Variants in RFWD3 observed in about 807,000 individuals in gnomAD.
RFWD3 encodes ring finger and WD repeat domain 3.
A neutral mutation model predicts 87.7 loss-of-function variants in RFWD3; 65 were observed. That is an observed-to-expected ratio of 0.74 (90% confidence interval 0.61 to 0.91). The LOEUF (loss-of-function observed/expected upper bound fraction) is 0.91, where lower values mean the gene tolerates loss of function less well. Ranked by LOEUF, RFWD3 falls within the 40% of genes least tolerant of loss-of-function variation. The probability of loss-of-function intolerance (pLI) is 0.00; values close to 1 mark genes in which losing one functional copy is unlikely to be tolerated. For missense variants in RFWD3, 1,078 were observed against 938.5 expected (o/e 1.15, Z -1.94); for synonymous variants, 433 against 352.8 (o/e 1.23, Z -2.55).
chr16:74,645,297 AAAACACATAT>A (rs1292394813), intron 4 of RFWD3, among the ~76,000 whole-genome samples: 2 of 152,254 alleles, frequency 1.3e-5, no homozygotes, highest in African/African-American at 4.8e-5. Context: ...CATGAAAATT[AAAACACATAT>A]ATCTTTCCTT....
chr16:74,657,267 A>C (rs1389301982), intron 2 of RFWD3, among the ~76,000 whole-genome samples: 2 of 152,166 alleles, frequency 1.3e-5, no homozygotes, highest in Non-Finnish European at 2.9e-5. Context: ...AGAAGGTGAC[A>C]AGAATAAGGA....
In RFWD3 at chr16:74,654,051, G is replaced by C. The variant is rs376483833; in HGVS notation, c.519-1929C>G. ...TTGTTTTTTTTTAGCATAACCACAA[G>C]GTTATGTAATCATAATCATAACCAT... On this transcript the variant is annotated intron_variant, in intron 2 of 12. Coordinates refer to ENST00000361070, the MANE Select transcript of RFWD3 (RefSeq NM_018124.4). 6.6e-5 allele frequency among the ~76,000 whole-genome samples: 10 copies of C among 151,756 alleles called. No homozygotes were observed. The East Asian group carries it at 1.5e-3, about 24-fold the overall frequency.
At chr16:74,636,835 T>G (rs1959208235) in intron 7 of RFWD3, among the ~76,000 whole-genome samples, 1 of 151,642 alleles carries the variant, frequency 6.6e-6, no homozygotes, top group Non-Finnish European at 1.5e-5. Flanking sequence ...CTCAGCCTCC[T>G]GAGTAGCTGG....
chr16:74,653,326 G>C (rs999176989), intron 2 of RFWD3, among the ~76,000 whole-genome samples: 1 of 151,834 alleles, frequency 6.6e-6, no homozygotes, highest in African/African-American at 2.4e-5. Flanking sequence ...ATCAGAGTGA[G>C]ACTTGTCTCA....
chr16:74,650,658 A>G (rs1036604708), intron 3 of RFWD3, among the ~76,000 whole-genome samples: 1 of 152,116 alleles, frequency 6.6e-6, no homozygotes, highest in Non-Finnish European at 1.5e-5. Context: ...TGCTGCAATT[A>G]GCTGAAATTT....
At chr16:74,630,140 G>T (rs944877681) in intron 10 of RFWD3, among the ~76,000 whole-genome samples, 2 of 151,708 alleles carry the variant, frequency 1.3e-5, no homozygotes, top group Non-Finnish European at 2.9e-5. Context: ...CTGTTGCCCA[G>T]ACTGGAGTGC....
At chr16:74,651,816 G>A (rs1256628792) in intron 3 of RFWD3, 104 bp downstream of exon 3, 1 of 974,160 alleles carries the variant, frequency 1.0e-6, no homozygotes, top group Non-Finnish European at 1.6e-6. Context: ...ACATTTAGGG[G>A]AGAAAAGGGA....
At chr16:74,648,940 G>C (rs952340310) in intron 4 of RFWD3, among the ~76,000 whole-genome samples, 192 bp downstream of exon 4, 33 of 152,000 alleles carry the variant, frequency 2.2e-4, no homozygotes, top group African/African-American at 8.0e-4. Context: ...AAATGTAGCC[G>C]AGTGTGGTGG....
intron 2 of RFWD3, among the ~76,000 whole-genome samples, chr16:74,658,677 G>C (rs185822590): frequency 1.3e-4 from 20 of 152,132 alleles, no homozygotes; most frequent in Admixed American, 1.3e-3. Flanking sequence ...TATTCCCTTT[G>C]TGGAGACAGA....
chr16:74,640,994 T>A (rs1038928378), intron 6 of RFWD3, among the ~76,000 whole-genome samples: 7 of 152,096 alleles, frequency 4.6e-5, no homozygotes, highest in Admixed American at 3.3e-4. Flanking sequence ...CCTTTTTTTT[T>A]AAACAAGAAA....
At position 74,622,708 on chromosome 16, in the gene RFWD3, C is replaced by A. The variant is rs1334443257; in HGVS notation, c.*1220G>T. 6.6e-6 allele frequency: 1 copy of A among 152,162 alleles called. No homozygotes were observed. The highest frequency in any genetic ancestry group is 1.5e-5 in the Non-Finnish European group (1 of 68,030). The allele number at this position is 152,162 out of a possible 1,614,324, so 9.4% of individuals were successfully genotyped here. ...TTTTCTCCCATGAACAGGACACTGA[C>A]CTGCCCACATCTTGAAGCATATTCT... On this transcript the variant is annotated 3_prime_UTR_variant, in exon 13 of 13. Transcript: ENST00000361070.
At chr16:74,660,239 C>T (rs1360524629) in intron 2 of RFWD3, among the ~76,000 whole-genome samples, 1 of 152,220 alleles carries the variant, frequency 6.6e-6, no homozygotes, top group South Asian at 2.1e-4. Flanking sequence ...CACTGCGCTC[C>T]AGCCTGGGCG....
rs146124091 is a variant in RFWD3, at chr16:74,630,949, G to C, written c.1586C>G (p.Thr529Arg). Residue 529 changes from threonine (T) to arginine (R), a missense_variant, in exon 10 of 13, where the codon ACA (threonine) becomes AGA (arginine). Transcript: ENST00000361070. The stretch of plus-strand genomic sequence containing the variant: ...ATTATAAGTCTGGACCACGGTATTT[G>C]TCTCCAGGCTGTGGAGTTACAAAAG... ...DNTIKLTSLETNTVVQTYNAG... is the reference protein window; with the variant it reads ...DNTIKLTSLERNTVVQTYNAG... The C allele has an allele frequency of 1.6e-5, 26 of 1,606,042 alleles. 1 individual carries two copies. In the Middle Eastern group the frequency reaches 8.3e-4, roughly 51 times the overall value.
chr16:74,634,529 G>A (rs1485318911), intron 8 of RFWD3, among the ~76,000 whole-genome samples: 1 of 152,000 alleles, frequency 6.6e-6, no homozygotes, highest in Non-Finnish European at 1.5e-5. Flanking sequence ...GGACCAGAGA[G>A]GTGTGCCACC....
chr16:74,638,747 A>G (rs1046069042), intron 6 of RFWD3, among the ~76,000 whole-genome samples: 1 of 152,238 alleles, frequency 6.6e-6, no homozygotes, highest in South Asian at 2.1e-4. Context: ...GTAATTTAAA[A>G]AATTCATTCA....
At chr16:74,626,108 A>G (rs944083131) in intron 12 of RFWD3, among the ~76,000 whole-genome samples, 6 of 152,140 alleles carry the variant, frequency 3.9e-5, no homozygotes, top group African/African-American at 1.2e-4. Flanking sequence ...AATCACTTGA[A>G]CCCAAGAAAT....
At chr16:74,647,192 T>C (rs555085125) in intron 4 of RFWD3, among the ~76,000 whole-genome samples, 11 of 152,042 alleles carry the variant, frequency 7.2e-5, no homozygotes, top group South Asian at 6.2e-4. Context: ...AAAGAGCACA[T>C]AGAAATATGC....
chr16:74,661,480 TAATAA>T (rs1160425585), intron 1 of RFWD3, 29 bp from the exon 2 acceptor site: 2 of 1,536,108 alleles, frequency 1.3e-6, no homozygotes, highest in African/African-American at 1.4e-5. Flanking sequence ...TAAAAAGTAT[TAATAA>T]AATAGATAAA....
chr16:74,621,607 G>GGAAT lies in RFWD3; in HGVS notation c.*2320_*2321insATTC, dbSNP rs1473492213. The GGAAT allele has an allele frequency of 6.6e-6, 1 of 152,132 alleles. No individual in the cohort carries two copies. The highest frequency in any genetic ancestry group is 1.5e-5 in the Non-Finnish European group (1 of 68,028). The allele number at this position is 152,132 out of a possible 1,614,324, so 9.4% of individuals were successfully genotyped here. The stretch of plus-strand genomic sequence containing the variant: ...TGACAAAGGAATATGGTGGGGCAGA[G>GGAAT]ACTGGTGGAGCCCAGAAGACTAAAG... On this transcript the variant is annotated 3_prime_UTR_variant, in exon 13 of 13. Transcript: ENST00000361070.
Sources: allele counts gnomAD v4.1 joint callset (sites outside exome capture counted in the v4.1 genomes callset), GRCh38; gene constraint gnomAD v4.1.1; transcripts MANE v1.5; gene names NCBI Gene and HGNC (gene_info 2026-07-23, HGNC 2026-07-21).